Variants in ANO5 observed in about 807,000 individuals in gnomAD.
ANO5 encodes the protein anoctamin-5.
Under a neutral mutation model 121.0 loss-of-function variants are expected in ANO5, and 109 were observed. That is an observed-to-expected ratio of 0.90 (90% CI 0.77 to 1.06). ANO5 has a LOEUF of 1.06. Ranked by LOEUF, ANO5 falls within the 50% of genes least tolerant of loss-of-function variation. The probability of loss-of-function intolerance (pLI) is 0.00; values close to 1 mark genes in which losing one functional copy is unlikely to be tolerated. For missense variants in ANO5, 1,064 were observed against 1,078.5 expected (o/e 0.99, Z 0.19); for synonymous variants, 406 against 359.9 (o/e 1.13, Z -1.45).
intron 7 of ANO5, among the ~76,000 whole-genome samples, chr11:22,232,883 C>T (rs1480573724): frequency 2.0e-5 from 3 of 151,946 alleles, no homozygotes; most frequent in African/African-American, 7.3e-5. Flanking sequence ...GTTGAACTTT[C>T]TCTGAGTTCT....
intron 8 of ANO5, among the ~76,000 whole-genome samples, chr11:22,238,639 CAGA>C (rs1853318816): frequency 1.3e-5 from 2 of 151,962 alleles, no homozygotes; most frequent in South Asian, 4.1e-4. Flanking sequence ...GGATTACCTA[CAGA>C]AGAAGAAAAA....
At chr11:22,276,808 C>G (rs149239810) in intron 21 of ANO5, among the ~76,000 whole-genome samples, 6 of 151,498 alleles carry the variant, frequency 4.0e-5, no homozygotes, top group Non-Finnish European at 7.4e-5. Flanking sequence ...AATCATAGGG[C>G]AAGAAGGCCT....
At chr11:22,210,861 C>T (rs1852255066) in intron 2 of ANO5, among the ~76,000 whole-genome samples, 1 of 151,902 alleles carries the variant, frequency 6.6e-6, no homozygotes, top group Admixed American at 6.6e-5. Flanking sequence ...TTCTGCCTTT[C>T]CTGTTGGTCC....
chr11:22,237,222 T>C (rs887938581), intron 8 of ANO5, among the ~76,000 whole-genome samples: 5 of 152,180 alleles, frequency 3.3e-5, no homozygotes, highest in African/African-American at 9.7e-5. Context: ...TTCTCAGTAA[T>C]AGAAGAAACA....
In ANO5 at chr11:22,283,336, AAAGT is replaced by A. The variant is rs1313799481; in HGVS notation, c.*3574_*3577del. The A allele has an allele frequency of 1.3e-5, 2 of 152,238 alleles. No homozygotes were observed. Among genetic ancestry groups the A allele is most frequent in the Non-Finnish European group, 2.9e-5 (2 of 68,038 alleles). The allele number at this position is 152,238 out of a possible 1,614,324, so 9.4% of individuals were successfully genotyped here. ...AGAGAATCAAATTCACAGAGTGAAT[AAAGT>A]AATAATATTAAACTACATTTTGACA... On this transcript the variant is annotated 3_prime_UTR_variant, in exon 22 of 22. Coordinates refer to ENST00000324559, the MANE Select transcript of ANO5 (RefSeq NM_213599.3).
At chr11:22,257,916 T>C (rs1457464281) in intron 14 of ANO5, among the ~76,000 whole-genome samples, 162 bp downstream of exon 14, 2 of 152,272 alleles carry the variant, frequency 1.3e-5, no homozygotes, top group East Asian at 3.9e-4. Context: ...CTGTAATTTA[T>C]GTGGATTTTC....
At position 22,263,828 on chromosome 11, in the gene ANO5, AAAG is replaced by A. The variant is rs200489611; in HGVS notation, c.1898+790_1898+792del. ...GAGACTGGGTTTATTCTCACTCATG[AAAG>A]AAGACTGAAAACACCATCCCTGCAC... On this transcript the variant is annotated intron_variant, in intron 17 of 21. Transcript: ENST00000324559. Among the ~76,000 whole-genome samples, 154 of 152,178 alleles carry A rather than the reference AAAG, an allele frequency of 1.0e-3. 1 individual carries two copies. In the East Asian group the frequency reaches 0.027, roughly 27 times the overall value.
chr11:22,221,638 A>G (rs777089584), intron 5 of ANO5, among the ~76,000 whole-genome samples: 38 of 151,838 alleles, frequency 2.5e-4, no homozygotes, highest in Non-Finnish European at 4.4e-4. Context: ...TCACTTTATG[A>G]GCTTATTTAT....
rs1191668273 is a variant in ANO5, at chr11:22,193,514, G to A, written c.22G>A (p.Glu8Lys). ...GAAGATGGGCGACCCGGATCTCCTG[G>A]AAGTGTTGGCGGAGGAAGGTAGGAC... is the stretch of plus-strand genomic sequence containing the variant. Reference protein sequence around the residue: MGDPDLLEVLAEEGEKVN... With the variant: MGDPDLLKVLAEEGEKVN... The change falls in exon 1 of 22, where the codon GAA (glutamate) becomes AAA (lysine). Residue 8 changes from glutamate (E) to lysine (K), a missense_variant. Physicochemically the swap from Glu to Lys is moderately conservative, Grantham distance 56. Coordinates refer to ENST00000324559, the MANE Select transcript of ANO5 (RefSeq NM_213599.3). 3 of 1,613,162 alleles carry A rather than the reference G, an allele frequency of 1.9e-6. No homozygotes were observed. In the South Asian group the frequency reaches 3.3e-5, roughly 18 times the overall value.
chr11:22,279,807 C>T lies in ANO5; in HGVS notation c.*42C>T, dbSNP rs772677964. ...GCAGCAGGTGATCTGCCTTACTTCA[C>T]TTTATCCTCTGGTTTTAGGGCCAGA... On this transcript the variant is annotated 3_prime_UTR_variant, in exon 22 of 22. Transcript: ENST00000324559. 4.6e-6 allele frequency: 7 copies of T among 1,538,158 alleles called. No individual in the cohort carries two copies. Among genetic ancestry groups the T allele is most frequent in the Non-Finnish European group, 6.3e-6 (7 of 1,116,434 alleles).
chr11:22,193,069 G>T, upstream of ANO5: 2 of 1,035,724 alleles, frequency 1.9e-6, no homozygotes, highest in Non-Finnish European at 1.2e-6. Flanking sequence ...AAGGAAAGCT[G>T]CCAGAGGGCA....
intron 7 of ANO5, among the ~76,000 whole-genome samples, chr11:22,234,940 C>T (rs922892027): frequency 1.3e-5 from 2 of 152,196 alleles, no homozygotes; most frequent in South Asian, 2.1e-4. Context: ...CTACCCTCAA[C>T]TTGAGCCAGT....
At position 22,203,796 on chromosome 11, in the gene ANO5, T is replaced by C; in HGVS notation, c.41-8T>C. On this transcript the variant is annotated splice_polypyrimidine_tract_variant and splice_region_variant and intron_variant, in intron 1 of 21. Coordinates refer to ENST00000324559, the MANE Select transcript of ANO5 (RefSeq NM_213599.3). Reference sequence around the variant, plus strand: ...TTAACATGTTTTTCTCTTTCTTATTTAATTTAGGGGAAAAAGTCAATAAGC... The same window carrying C: ...TTAACATGTTTTTCTCTTTCTTATTCAATTTAGGGGAAAAAGTCAATAAGC... 6.9e-7 allele frequency: 1 copy of C among 1,456,936 alleles called. No individual in the cohort carries two copies. Among genetic ancestry groups the C allele is most frequent in the Non-Finnish European group, 9.6e-7 (1 of 1,043,880 alleles). 90.3% of individuals were successfully genotyped at this position (1,456,936 alleles called of 1,614,324 possible). A position where few individuals can be genotyped will look rare whatever the true frequency, so the allele number is the denominator to read the frequency against.
chr11:22,227,576 G>A lies in ANO5; in HGVS notation c.638G>A (p.Arg213Lys). The A allele has an allele frequency of 1.9e-6, 3 of 1,613,338 alleles. No homozygotes were observed. Among genetic ancestry groups the A allele is most frequent in the South Asian group, 2.2e-5 (2 of 91,074 alleles). ...DQATFFPSSS[R>K]NRIVYYILSR... Reference sequence around the variant, plus strand: ...GCAACCTTCTTTCCATCCTCATCAAGAAACAGAATTGTAGGTAGAGAAGAC... The same window carrying A: ...GCAACCTTCTTTCCATCCTCATCAAAAAACAGAATTGTAGGTAGAGAAGAC... Residue 213 changes from arginine (R) to lysine (K), a missense_variant, in exon 7 of 22, where the codon AGA (arginine) becomes AAA (lysine). Transcript: ENST00000324559.
intron 4 of ANO5, among the ~76,000 whole-genome samples, chr11:22,219,200 T>A (rs1382420212): frequency 6.6e-6 from 1 of 152,064 alleles, no homozygotes; most frequent in Admixed American, 6.6e-5. Context: ...CAGTGTATCA[T>A]CAGGGTGTGA....
At chr11:22,215,835 T>C (rs1366329860) in intron 3 of ANO5, among the ~76,000 whole-genome samples, 2 of 151,888 alleles carry the variant, frequency 1.3e-5, no homozygotes, top group East Asian at 3.9e-4. Context: ...TACCATATTC[T>C]AGCAACCGCT....
At chr11:22,270,202 TAA>T (rs1854555969) in intron 17 of ANO5, 108 bp from the exon 18 acceptor site, 16 of 1,386,690 alleles carry the variant, frequency 1.2e-5, no homozygotes, top group Non-Finnish European at 1.4e-5. Flanking sequence ...TCTGTGATCT[TAA>T]GTTATTTAAT....
At chr11:22,203,753 T>C (rs756014281) in intron 1 of ANO5, 51 bp from the exon 2 acceptor site, 2 of 1,159,066 alleles carry the variant, frequency 1.7e-6, no homozygotes, top group South Asian at 2.5e-5. Flanking sequence ...TTTGAATATG[T>C]TCTGATCAGT....
At chr11:22,278,480 T>A (rs1199591331) in intron 21 of ANO5, among the ~76,000 whole-genome samples, 1 of 151,740 alleles carries the variant, frequency 6.6e-6, no homozygotes, top group Non-Finnish European at 1.5e-5. Context: ...ATATCTTTTT[T>A]AAAATTCTAC....
Sources: allele counts gnomAD v4.1 joint callset (sites outside exome capture counted in the v4.1 genomes callset), GRCh38; gene constraint gnomAD v4.1.1; transcripts MANE v1.5; gene names NCBI Gene and HGNC (gene_info 2026-07-23, HGNC 2026-07-21).